PRKG1: variants seen among roughly 807,000 people sequenced by gnomAD.
PRKG1 encodes protein kinase cGMP-dependent 1.
In PRKG1, 35 loss-of-function variants were observed where a neutral mutation model predicts 88.1. The observed-to-expected ratio is 0.40, with a 90% confidence interval of 0.30 to 0.53. The LOEUF (loss-of-function observed/expected upper bound fraction) is 0.53. PRKG1 is among the 20% of genes least tolerant of loss of function. PRKG1 has a pLI of 0.59. For missense variants in PRKG1, 540 were observed against 839.8 expected (o/e 0.64, Z 4.41); for synonymous variants, 303 against 292.5 (o/e 1.04, Z -0.37).
At chr10:51,282,647 T>C (rs903460084) in intron 2 of PRKG1, among the ~76,000 whole-genome samples, 5 of 152,320 alleles carry the variant, frequency 3.3e-5, no homozygotes, top group South Asian at 2.1e-4. Flanking sequence ...TACTTGACAC[T>C]GCAAATTTTA....
In PRKG1 at chr10:51,642,342, A is replaced by T. The variant is rs566957538; in HGVS notation, c.593-162243A>T. ...GAGATGGAGGTTGCAGTGAGCCAAG[A>T]TCATGCCACTGCACTCCAGGCTGGT... is the stretch of plus-strand genomic sequence containing the variant. On this transcript the variant is annotated intron_variant, in intron 3 of 17. Transcript: ENST00000373980. Among the ~76,000 whole-genome samples, 6 of 152,308 alleles carry T rather than the reference A, an allele frequency of 3.9e-5. No individual in the cohort carries two copies. The East Asian group carries it at 1.2e-3, about 29-fold the overall frequency.
intron 1 of PRKG1, 136 bp downstream of exon 1, chr10:51,075,037 G>A: frequency 7.8e-7 from 1 of 1,287,008 alleles, no homozygotes; most frequent in East Asian, 2.6e-5. Flanking sequence ...CATTTTAACG[G>A]GCACTTCTTG....
At chr10:51,391,418 T>C (rs1045963919) in intron 2 of PRKG1, among the ~76,000 whole-genome samples, 4 of 152,314 alleles carry the variant, frequency 2.6e-5, no homozygotes, top group African/African-American at 9.6e-5. Flanking sequence ...TTCTTTAGGT[T>C]TCTCTCTATG....
chr10:51,940,115 TC>T (rs1261853016), intron 5 of PRKG1, among the ~76,000 whole-genome samples: 27 of 151,952 alleles, frequency 1.8e-4, no homozygotes, highest in Non-Finnish European at 2.5e-4. Flanking sequence ...TTAGCTCTAT[TC>T]TTTTTTTCAT....
At chr10:51,389,812 C>T (rs1837352644) in intron 2 of PRKG1, among the ~76,000 whole-genome samples, 1 of 152,094 alleles carries the variant, frequency 6.6e-6, no homozygotes, top group Non-Finnish European at 1.5e-5. Flanking sequence ...TAAGAAATGT[C>T]ACTTTCAGTG....
intron 7 of PRKG1, chr10:52,126,126 C>A (rs924207119): frequency 2.0e-5 from 3 of 151,962 alleles, no homozygotes; most frequent in South Asian, 2.1e-4. Context: ...ACTGCAGGTA[C>A]CTGAAGCCTA....
At chr10:52,027,111 T>G (rs1293224115) in intron 5 of PRKG1, among the ~76,000 whole-genome samples, 1 of 152,242 alleles carries the variant, frequency 6.6e-6, no homozygotes, top group African/African-American at 2.4e-5. Context: ...CCATGGGAAC[T>G]GCACTTGAAA....
rs113302825 is a variant in PRKG1 at position 52,111,032 on chromosome 10, A to C, written c.936-22808A>C. ...CATTTAGATTATCTCATTGAATCTT[A>C]TCTCTCTACAATGTAGAAATTATAG... On this transcript the variant is annotated intron_variant, in intron 7 of 17. Coordinates refer to ENST00000373980, the MANE Select transcript of PRKG1 (RefSeq NM_006258.4). Among the ~76,000 whole-genome samples, 1,021 of 152,340 alleles carry C rather than the reference A, an allele frequency of 6.7e-3. 11 individuals are homozygous for C. The highest frequency in any genetic ancestry group is 0.023 in the African/African-American group (975 of 41,580).
At chr10:51,043,992 G>T (rs1191650238) in intron 1 of PRKG1, among the ~76,000 whole-genome samples, 1 of 152,124 alleles carries the variant, frequency 6.6e-6, no homozygotes, top group African/African-American at 2.4e-5. Context: ...CTAACTCATT[G>T]AATCCTCATG....
chr10:51,390,581 T>A (rs1259892512), intron 2 of PRKG1, among the ~76,000 whole-genome samples: 1 of 152,226 alleles, frequency 6.6e-6, no homozygotes, highest in East Asian at 1.9e-4. Context: ...TAATACTTAG[T>A]CTATCAACAA....
chr10:52,297,878 T>C lies in PRKG1; in HGVS notation c.*3978T>C, dbSNP rs1842412737. On this transcript the variant is annotated 3_prime_UTR_variant, in exon 18 of 18. Coordinates refer to ENST00000373980, the MANE Select transcript of PRKG1 (RefSeq NM_006258.4). ...AGGATGCTTTTTCCGAGTTCTTGTA[T>C]ATGCAAATCATTTACGAGGCAAGTT... The C allele has an allele frequency of 6.6e-6, 1 of 152,142 alleles. No homozygotes were observed. The highest frequency in any genetic ancestry group is 2.4e-5 in the African/African-American group (1 of 41,424). 9.4% of individuals were successfully genotyped at this position (152,142 alleles called of 1,614,324 possible).
intron 3 of PRKG1, among the ~76,000 whole-genome samples, chr10:51,736,339 C>G (rs1193101201): frequency 1.3e-5 from 2 of 152,136 alleles, no homozygotes; most frequent in African/African-American, 4.8e-5. Context: ...TGGTCTCGAA[C>G]TCCTGGGCTC....
chr10:51,874,802 G>A lies in PRKG1; in HGVS notation c.699-32705G>A, dbSNP rs145431633. ...TTACCAGCTGTTTGGGAATAATTAT[G>A]TAATTTCTCTGAGCTTTAATTTTCC... On this transcript the variant is annotated intron_variant, in intron 4 of 17. Transcript: ENST00000373980. Among the ~76,000 whole-genome samples, 811 of 151,932 alleles carry A rather than the reference G, an allele frequency of 5.3e-3. 7 individuals are homozygous for A. Among genetic ancestry groups the A allele is most frequent in the African/African-American group, 0.019 (773 of 41,462 alleles).
At chr10:51,848,202 G>A (rs1166073262) in intron 4 of PRKG1, among the ~76,000 whole-genome samples, 3 of 152,038 alleles carry the variant, frequency 2.0e-5, no homozygotes, top group Non-Finnish European at 4.4e-5. Context: ...TTGCAAGTTG[G>A]ATATTTTTAT....
At chr10:52,021,454 T>G (rs775242804) in intron 5 of PRKG1, among the ~76,000 whole-genome samples, 2 of 152,166 alleles carry the variant, frequency 1.3e-5, no homozygotes, top group Non-Finnish European at 2.9e-5. Context: ...TATGTAATCA[T>G]TAAAGACAGT....
chr10:51,557,666 G>A (rs913472987), intron 3 of PRKG1, among the ~76,000 whole-genome samples: 12 of 152,006 alleles, frequency 7.9e-5, no homozygotes, highest in African/African-American at 2.4e-4. Context: ...ATAAGATAAT[G>A]TACCACAAAG....
At chr10:52,177,387 T>G (rs1838894630) in intron 9 of PRKG1, among the ~76,000 whole-genome samples, 1 of 152,136 alleles carries the variant, frequency 6.6e-6, no homozygotes, top group Non-Finnish European at 1.5e-5. Flanking sequence ...TTTGATGTAT[T>G]GTTGGATTCA....
intron 5 of PRKG1, among the ~76,000 whole-genome samples, chr10:51,938,337 A>C (rs1026089194): frequency 1.3e-5 from 2 of 152,038 alleles, no homozygotes; most frequent in Non-Finnish European, 2.9e-5. Flanking sequence ...TATAGGAGAA[A>C]AGATAGTATA....
At chr10:52,052,506 G>A (rs773707105) in intron 5 of PRKG1, among the ~76,000 whole-genome samples, 1 of 152,030 alleles carries the variant, frequency 6.6e-6, no homozygotes, top group Non-Finnish European at 1.5e-5. Flanking sequence ...GGCTGTATTA[G>A]TTCATTCTCA....
Sources: allele counts gnomAD v4.1 joint callset (sites outside exome capture counted in the v4.1 genomes callset), GRCh38; gene constraint gnomAD v4.1.1; transcripts MANE v1.5; gene names NCBI Gene and HGNC (gene_info 2026-07-23, HGNC 2026-07-21).